The following CDH8 variants were observed in gnomAD, a reference collection of about 807,000 sequenced individuals.
CDH8 encodes cadherin-8.
In CDH8, 17 loss-of-function variants were observed where a neutral mutation model predicts 68.1. The ratio of observed to expected loss-of-function variants is 0.25; its 90% CI spans 0.17 to 0.37. The LOEUF is 0.37. CDH8 is among the 10% of genes least tolerant of loss of function. The pLI, the probability that CDH8 is intolerant of heterozygous loss-of-function variation, is 1.00. For synonymous variants in CDH8, 372 were observed against 365.1 expected (o/e 1.02, Z -0.21); for missense variants, 763 against 999.3 (o/e 0.76, Z 3.19).
intron 3 of CDH8, among the ~76,000 whole-genome samples, chr16:61,861,593 C>T (rs757275389): frequency 6.6e-6 from 1 of 152,184 alleles, no homozygotes; most frequent in Non-Finnish European, 1.5e-5. Flanking sequence ...CTACAAGCCT[C>T]AAAGTTTTGC....
chr16:61,824,891 G>T, intron 5 of CDH8, 121 bp downstream of exon 5: 1 of 781,874 alleles, frequency 1.3e-6, no homozygotes, highest in Non-Finnish European at 2.1e-6. Flanking sequence ...TGCCATACCT[G>T]GCACATAATA....
chr16:61,655,998 G>A (rs943741004), intron 10 of CDH8, among the ~76,000 whole-genome samples: 3 of 151,086 alleles, frequency 2.0e-5, no homozygotes, highest in Non-Finnish European at 2.9e-5. Context: ...TCAGCCTCCC[G>A]AGCAGCTGGG....
At chr16:62,034,267 T>C (rs1250817992) in intron 1 of CDH8, among the ~76,000 whole-genome samples, 1 of 151,796 alleles carries the variant, frequency 6.6e-6, no homozygotes, top group African/African-American at 2.4e-5. Flanking sequence ...TGCAAAGCAA[T>C]ATCTAGGCAG....
intron 8 of CDH8, among the ~76,000 whole-genome samples, chr16:61,748,013 T>C (rs1960065461): frequency 6.6e-6 from 1 of 152,060 alleles, no homozygotes; most frequent in Non-Finnish European, 1.5e-5. Context: ...CATCAAGGCA[T>C]TGGAACCAGT....
At position 61,907,509 on chromosome 16, in the gene CDH8, T is replaced by C. The variant is rs572010460; in HGVS notation, c.253-6036A>G. Among the ~76,000 whole-genome samples the C allele has an allele frequency of 2.7e-3, 403 of 151,836 alleles. 3 individuals are homozygous for C. The highest frequency in any genetic ancestry group is 8.1e-3 in the South Asian group (39 of 4,806). On this transcript the variant is annotated intron_variant, in intron 2 of 11. Transcript: ENST00000577390. ...GCCTGAGCAACAAAGTGAGACCCTG[T>C]ATCTAAAAAAAATAGAAAAAATTAG...
At chr16:62,030,506 A>G (rs1262307090) in intron 1 of CDH8, among the ~76,000 whole-genome samples, 1 of 152,204 alleles carries the variant, frequency 6.6e-6, no homozygotes, top group African/African-American at 2.4e-5. Context: ...TACTTTATAA[A>G]TCAAATTTTG....
chr16:61,902,038 A>G (rs1963983514), intron 2 of CDH8, among the ~76,000 whole-genome samples: 4 of 150,760 alleles, frequency 2.7e-5, no homozygotes, highest in Admixed American at 2.6e-4. Context: ...TATACAAACA[A>G]AAGTAATTCT....
chr16:61,739,915 A>ATATATATATATAT (rs373723105), intron 8 of CDH8, among the ~76,000 whole-genome samples: 6 of 109,558 alleles, frequency 5.5e-5, no homozygotes, highest in Admixed American at 1.0e-4. Context: ...ATATATATGT[A>ATATATATATATAT]TTTTTTTTTT....
At chr16:61,997,185 T>C (rs1261055977) in intron 2 of CDH8, among the ~76,000 whole-genome samples, 1 of 152,200 alleles carries the variant, frequency 6.6e-6, no homozygotes, top group Non-Finnish European at 1.5e-5. Flanking sequence ...CAGAGTCCAC[T>C]TTGCTGATGT....
chr16:61,875,502 TG>T (rs1362986155), intron 3 of CDH8, among the ~76,000 whole-genome samples: 2 of 152,166 alleles, frequency 1.3e-5, no homozygotes, highest in Non-Finnish European at 2.9e-5. Context: ...ACTATTATAT[TG>T]AATCAACAGA....
intron 3 of CDH8, among the ~76,000 whole-genome samples, chr16:61,880,375 G>A (rs1963550287): frequency 6.6e-6 from 1 of 152,170 alleles, no homozygotes; most frequent in African/African-American, 2.4e-5. Flanking sequence ...AAATCTATGA[G>A]GCAGTGATAA....
At chr16:61,958,369 G>A (rs1439184771) in intron 2 of CDH8, among the ~76,000 whole-genome samples, 1 of 152,174 alleles carries the variant, frequency 6.6e-6, no homozygotes, top group Non-Finnish European at 1.5e-5. Flanking sequence ...GATGATATGT[G>A]GGAAAGCAGC....
At chr16:61,940,404 T>C (rs1964697050) in intron 2 of CDH8, 1 of 145,982 alleles carries the variant, frequency 6.9e-6, no homozygotes, top group Non-Finnish European at 1.5e-5. Context: ...TGATCTTTTT[T>C]TTTTTTTTTT....
chr16:61,657,094 C>T (rs777671389), intron 10 of CDH8, among the ~76,000 whole-genome samples: 4 of 151,642 alleles, frequency 2.6e-5, no homozygotes, highest in Non-Finnish European at 4.4e-5. Context: ...TATAGACCCC[C>T]GAACACAGGG....
intron 8 of CDH8, among the ~76,000 whole-genome samples, chr16:61,738,091 A>C (rs2142917679): frequency 6.6e-6 from 1 of 152,256 alleles, no homozygotes; most frequent in South Asian, 2.1e-4. Flanking sequence ...TGGCTCTCTC[A>C]AGAGAGGGGA....
chr16:61,757,299 C>A (rs1960346071), intron 8 of CDH8, among the ~76,000 whole-genome samples: 1 of 152,026 alleles, frequency 6.6e-6, no homozygotes. Context: ...GCAAAATAAA[C>A]AAATGCTCTC....
At chr16:61,838,920 C>G (rs560071420) in intron 4 of CDH8, among the ~76,000 whole-genome samples, 11 of 152,106 alleles carry the variant, frequency 7.2e-5, no homozygotes, top group African/African-American at 2.6e-4. Flanking sequence ...CTAAAATGAT[C>G]AAGGGATTAA....
chr16:61,828,809 T>A (rs570300786), intron 4 of CDH8, among the ~76,000 whole-genome samples: 118 of 151,838 alleles, frequency 7.8e-4, no homozygotes, highest in Non-Finnish European at 1.4e-3. Context: ...ATTAAACTCA[T>A]CCAAACTCCA....
At chr16:61,920,328 G>A (rs1402803398) in intron 2 of CDH8, among the ~76,000 whole-genome samples, 11 of 139,336 alleles carry the variant, frequency 7.9e-5, no homozygotes, top group Non-Finnish European at 1.5e-4. Context: ...CCTACAAAAT[G>A]GGAGAAAATT....
Sources: allele counts gnomAD v4.1 joint callset (sites outside exome capture counted in the v4.1 genomes callset), GRCh38; gene constraint gnomAD v4.1.1; transcripts MANE v1.5; gene names NCBI Gene and HGNC (gene_info 2026-07-23, HGNC 2026-07-21).